Variants in FSTL5 observed in about 807,000 individuals in gnomAD.
FSTL5 encodes the protein follistatin like 5, also known as follistatin-related protein 5.
In FSTL5, 62 loss-of-function variants were observed where a neutral mutation model predicts 89.1. That is an observed-to-expected ratio of 0.70 (90% CI 0.57 to 0.86). The LOEUF is 0.86. FSTL5 is among the 40% of genes least tolerant of loss of function. The pLI is 0.00. For synonymous variants in FSTL5, 383 were observed against 346.2 expected (o/e 1.11, Z -1.18); for missense variants, 1,057 against 1,001.6 (o/e 1.06, Z -0.75).
chr4:161,745,103 A>G (rs1349177776), intron 6 of FSTL5, among the ~76,000 whole-genome samples: 1 of 152,046 alleles, frequency 6.6e-6, no homozygotes, highest in African/African-American at 2.4e-5. Flanking sequence ...AAATAAACAC[A>G]GTGATAATAT....
At chr4:161,467,985 T>C (rs577608895) in intron 13 of FSTL5, among the ~76,000 whole-genome samples, 1 of 152,256 alleles carries the variant, frequency 6.6e-6, no homozygotes, top group South Asian at 2.1e-4. Flanking sequence ...GATGTACCAG[T>C]ATGGAAATTT....
chr4:161,813,618 G>A (rs1730233584), intron 4 of FSTL5, among the ~76,000 whole-genome samples: 1 of 152,170 alleles, frequency 6.6e-6, no homozygotes, highest in Non-Finnish European at 1.5e-5. Context: ...GTACTGGTGT[G>A]TTGTATCGCC....
intron 4 of FSTL5, among the ~76,000 whole-genome samples, chr4:161,837,713 T>C (rs1043817140): frequency 6.6e-6 from 1 of 152,092 alleles, no homozygotes; most frequent in African/African-American, 2.4e-5. Flanking sequence ...TTTGATATAC[T>C]TAAATAAAAA....
chr4:161,822,973 C>G (rs150345468), intron 4 of FSTL5, among the ~76,000 whole-genome samples: 1 of 152,282 alleles, frequency 6.6e-6, no homozygotes, highest in African/African-American at 2.4e-5. Context: ...GCAGGCTATC[C>G]TGATGAGTGT....
intron 4 of FSTL5, among the ~76,000 whole-genome samples, chr4:161,823,000 A>G (rs1461910911): frequency 6.6e-6 from 1 of 152,140 alleles, no homozygotes; most frequent in Non-Finnish European, 1.5e-5. Context: ...CTCAGCAGAG[A>G]AGAGACCTAC....
intron 12 of FSTL5, among the ~76,000 whole-genome samples, chr4:161,484,624 G>T (rs1432350401): frequency 6.6e-6 from 1 of 152,046 alleles, no homozygotes; most frequent in Non-Finnish European, 1.5e-5. Flanking sequence ...GCTTCACATT[G>T]GCTTTCATGA....
At chr4:161,582,766 T>C (rs1733478761) in intron 8 of FSTL5, among the ~76,000 whole-genome samples, 1 of 152,238 alleles carries the variant, frequency 6.6e-6, no homozygotes, top group Non-Finnish European at 1.5e-5. Flanking sequence ...TTCTTCTAGT[T>C]AACATAATCT....
chr4:162,001,356 G>T (rs1166557287), intron 3 of FSTL5, among the ~76,000 whole-genome samples: 1 of 152,080 alleles, frequency 6.6e-6, no homozygotes, highest in Non-Finnish European at 1.5e-5. Flanking sequence ...AAATTGAAGA[G>T]ATATTTAGCA....
At chr4:161,950,613 T>C (rs1208915296) in intron 3 of FSTL5, among the ~76,000 whole-genome samples, 2 of 152,144 alleles carry the variant, frequency 1.3e-5, no homozygotes, top group Non-Finnish European at 2.9e-5. Context: ...TCGCATGAGT[T>C]CTGCTCTCTC....
At chr4:161,464,024 G>A (rs1201921503) in intron 13 of FSTL5, among the ~76,000 whole-genome samples, 1 of 151,944 alleles carries the variant, frequency 6.6e-6, no homozygotes, top group Non-Finnish European at 1.5e-5. Context: ...CATCAGGCAA[G>A]TCATGACAGT....
At position 162,156,169 on chromosome 4, in the gene FSTL5, C is replaced by T. The variant is rs1733462014; in HGVS notation, c.-17+7446G>A. Among the ~76,000 whole-genome samples the T allele has an allele frequency of 2.0e-5, 3 of 152,026 alleles. No individual in the cohort carries two copies. In the South Asian group the frequency reaches 6.2e-4, roughly 32 times the overall value. On this transcript the variant is annotated intron_variant, in intron 1 of 15. Coordinates refer to ENST00000306100, the MANE Select transcript of FSTL5 (RefSeq NM_020116.5). ...CACGTCACAAATCAATCATCAGAAACATGCAAATCAAACCACAGTAAGACA... is the reference window on the plus strand; with the variant it reads ...CACGTCACAAATCAATCATCAGAAATATGCAAATCAAACCACAGTAAGACA...
intron 6 of FSTL5, among the ~76,000 whole-genome samples, chr4:161,732,020 T>G (rs1739627678): frequency 6.6e-6 from 1 of 152,098 alleles, no homozygotes; most frequent in Non-Finnish European, 1.5e-5. Context: ...TTTTTCATCT[T>G]CATTCTTCTT....
At chr4:162,108,720 C>T (rs1327132553) in intron 2 of FSTL5, among the ~76,000 whole-genome samples, 2 of 151,352 alleles carry the variant, frequency 1.3e-5, no homozygotes, top group African/African-American at 4.8e-5. Flanking sequence ...TATTGTGCTG[C>T]TGTTGACTTT....
intron 12 of FSTL5, among the ~76,000 whole-genome samples, chr4:161,499,467 A>G (rs1000663877): frequency 6.6e-6 from 1 of 152,016 alleles, no homozygotes; most frequent in African/African-American, 2.4e-5. Context: ...TATTGTCTCC[A>G]TGTATTAGTA....
At chr4:161,908,334 C>T (rs996057070) in intron 4 of FSTL5, among the ~76,000 whole-genome samples, 3 of 151,898 alleles carry the variant, frequency 2.0e-5, no homozygotes, top group Non-Finnish European at 4.4e-5. Flanking sequence ...CATATCTGTC[C>T]ATGACACACA....
At chr4:161,945,180 T>C (rs149116652) in intron 3 of FSTL5, among the ~76,000 whole-genome samples, 88 of 152,310 alleles carry the variant, frequency 5.8e-4, no homozygotes, top group African/African-American at 2.1e-3. Context: ...TTCCTCCTGC[T>C]CTCTTCTTCC....
chr4:161,477,336 T>C (rs1223354044), intron 13 of FSTL5, among the ~76,000 whole-genome samples: 1 of 151,034 alleles, frequency 6.6e-6, no homozygotes, highest in Non-Finnish European at 1.5e-5. Context: ...TTTTAAAGTA[T>C]ATATATTTTT....
intron 6 of FSTL5, among the ~76,000 whole-genome samples, chr4:161,742,830 G>A (rs543324835): frequency 3.3e-5 from 5 of 152,074 alleles, no homozygotes; most frequent in South Asian, 4.2e-4. Flanking sequence ...AATAAAAGCC[G>A]ATGGCCATCT....
At chr4:161,781,435 G>A (rs1355926598) in intron 4 of FSTL5, among the ~76,000 whole-genome samples, 1 of 151,886 alleles carries the variant, frequency 6.6e-6, no homozygotes, top group African/African-American at 2.4e-5. Context: ...GTGTACTACA[G>A]GTATATATAA....
Sources: gnomAD v4.1 joint callset for allele counts (sites outside exome capture counted in the v4.1 genomes callset) on GRCh38, gnomAD v4.1.1 for gene constraint, MANE v1.5 for transcripts, NCBI Gene and HGNC (gene_info 2026-07-23, HGNC 2026-07-21) for gene names.